Variants in PFKP observed in about 807,000 individuals in gnomAD.
PFKP encodes the protein phosphofructokinase, platelet, also known as ATP-dependent 6-phosphofructokinase, platelet type.
Under a neutral mutation model 94.3 loss-of-function variants are expected in PFKP, and 101 were observed. The ratio of observed to expected loss-of-function variants is 1.07; its 90% CI spans 0.91 to 1.26. PFKP has a LOEUF of 1.26. Among genes scored for constraint, PFKP ranks in the 50% most tolerant of loss-of-function variants. The pLI is 0.00. For synonymous variants in PFKP, 573 were observed against 432.6 expected (o/e 1.32, Z -4.03); for missense variants, 1,145 against 1,103.3 (o/e 1.04, Z -0.53).
chr10:3,136,683 CCTA>C lies in PFKP; in HGVS notation c.*105_*107del, dbSNP rs1839411822. 3 of 1,294,500 alleles carry C rather than the reference CCTA, an allele frequency of 2.3e-6. No homozygotes were observed. In the South Asian group the frequency reaches 4.2e-5, roughly 18 times the overall value. 80.2% of individuals were successfully genotyped at this position (1,294,500 alleles called of 1,614,324 possible). On this transcript the variant is annotated 3_prime_UTR_variant, in exon 22 of 22. Coordinates refer to ENST00000381125, the MANE Select transcript of PFKP (RefSeq NM_002627.5). ...TATGCACGTATTATTGACATTAATACCTAATCGGCGAGTGCCCATCTGCCCCAC... is the reference window on the plus strand; with the variant it reads ...TATGCACGTATTATTGACATTAATACATCGGCGAGTGCCCATCTGCCCCAC...
In PFKP at chr10:3,088,168, C is replaced by T. The variant is rs190767727; in HGVS notation, c.186+5707C>T. ...CCCTCCCCCCACCCCACAACAGGCC[C>T]CGGTGTGTGATGTTCCCCTTCCTGT... On this transcript the variant is annotated intron_variant, in intron 2 of 21. Coordinates refer to ENST00000381125, the MANE Select transcript of PFKP (RefSeq NM_002627.5). 9.9e-4 allele frequency among the ~76,000 whole-genome samples: 130 copies of T among 131,286 alleles called. 1 individual carries two copies. Among genetic ancestry groups the T allele is most frequent in the African/African-American group, 3.5e-3 (122 of 34,710 alleles). 86.1% of individuals were successfully genotyped at this position (131,286 alleles called of 152,430 possible). A position where few individuals can be genotyped will look rare whatever the true frequency, so the allele number is the denominator to read the frequency against.
At chr10:3,075,960 G>A (rs141682655) in intron 1 of PFKP, among the ~76,000 whole-genome samples, 5,905 of 129,532 alleles carry the variant, frequency 0.046, 452 homozygotes, top group East Asian at 0.28. Context: ...GCAGTGAGCC[G>A]AGATCGCGCC....
intron 1 of PFKP, among the ~76,000 whole-genome samples, chr10:3,078,162 G>A (rs914052043): frequency 1.2e-4 from 18 of 152,194 alleles, no homozygotes; most frequent in African/African-American, 3.9e-4. Flanking sequence ...CAGGGCCCAC[G>A]GACAGCCCTA....
chr10:3,127,846 A>C (rs138107082), intron 16 of PFKP, among the ~76,000 whole-genome samples: 27 of 152,340 alleles, frequency 1.8e-4, no homozygotes, highest in African/African-American at 6.5e-4. Flanking sequence ...TTTGGGAAGA[A>C]AAGAATCTGC....
rs1169255575 is a variant in PFKP at position 3,102,245 on chromosome 10, T to C, written c.454+691T>C. Among the ~76,000 whole-genome samples, 299 of 38,916 alleles carry C rather than the reference T, an allele frequency of 7.7e-3. 5 individuals are homozygous for C. The highest frequency in any genetic ancestry group is 0.02 in the African/African-American group (246 of 12,116). The allele number at this position is 38,916 out of a possible 152,430, so 25.5% of individuals were successfully genotyped here. A position where few individuals can be genotyped will look rare whatever the true frequency, so the allele number is the denominator to read the frequency against. On this transcript the variant is annotated intron_variant, in intron 4 of 21. Coordinates refer to ENST00000381125, the MANE Select transcript of PFKP (RefSeq NM_002627.5). ...CAGCCTGGGCGACAGAGCGAGACTCTGTCTCAAAAAAAAAAAAAAAAAAAA... is the reference window on the plus strand; with the variant it reads ...CAGCCTGGGCGACAGAGCGAGACTCCGTCTCAAAAAAAAAAAAAAAAAAAA...
chr10:3,113,607 C>A, intron 13 of PFKP, 89 bp downstream of exon 13: 1 of 1,057,062 alleles, frequency 9.5e-7, no homozygotes, highest in Non-Finnish European at 1.4e-6. Flanking sequence ...CCATGGCCCT[C>A]ATACCTTTTC....
Position 3,109,404 on chromosome 10 carries a change from CG to C in PFKP, c.1015del (p.Asp339ThrfsTer9). On this transcript the variant is annotated frameshift_variant, in exon 10 of 22. Coordinates refer to ENST00000381125, the MANE Select transcript of PFKP (RefSeq NM_002627.5). LOFTEE classifies it high-confidence loss of function. Reference protein sequence around the residue: ...EAVIALLEATPDTPACVVSLN... With the variant: ...EAVIALLEATXDTPACVVSLN... ...GTCATCGCCTTGCTAGAGGCCACCCCGGACACCCCAGCTTGCGTCGTGTCAC... is the reference window on the plus strand; with the variant it reads ...GTCATCGCCTTGCTAGAGGCCACCCCGACACCCCAGCTTGCGTCGTGTCAC... The C allele has an allele frequency of 6.2e-7, 1 of 1,610,568 alleles. No individual in the cohort carries two copies. Among genetic ancestry groups the C allele is most frequent in the Non-Finnish European group, 8.5e-7 (1 of 1,179,990 alleles).
chr10:3,132,462 G>A (rs771261717), intron 18 of PFKP, 21 bp downstream of exon 18: 1 of 1,562,472 alleles, frequency 6.4e-7, no homozygotes, highest in Non-Finnish European at 8.8e-7. Flanking sequence ...GAGACCAGGG[G>A]CTGATCTTAC....
chr10:3,105,414 C>T lies in PFKP; in HGVS notation c.687C>T (p.Ala229=), dbSNP rs779286518. 1.9e-6 allele frequency: 3 copies of T among 1,613,888 alleles called. No individual in the cohort carries two copies. The South Asian group carries it at 3.3e-5, about 18-fold the overall frequency. Residue 229 remains alanine (A), a synonymous_variant, in exon 7 of 22, where the codon GCC becomes GCT. Coordinates refer to ENST00000381125, the MANE Select transcript of PFKP (RefSeq NM_002627.5). The stretch of plus-strand genomic sequence containing the variant: ...ATAGGTACCTGGCCCTGGTGAGTGC[C>T]TTGGCCTGCGGTGCGGACTGGGTGT... ...RHCGYLALVS[A]LACGADWVFL...
chr10:3,136,314 G>T, intron 21 of PFKP, 136 bp from the exon 22 acceptor site: 1 of 746,878 alleles, frequency 1.3e-6, no homozygotes, highest in Non-Finnish European at 2.2e-6. Flanking sequence ...TCCTGAAATT[G>T]GCTTTATCAT....
Position 3,121,803 on chromosome 10 carries a change from C to CTTTT in PFKP, c.1683+1783_1683+1786dup, listed in dbSNP as rs759926178. Among the ~76,000 whole-genome samples, 219 of 32,596 alleles carry CTTTT rather than the reference C, an allele frequency of 6.7e-3. 8 individuals are homozygous for CTTTT. Among genetic ancestry groups the CTTTT allele is most frequent in the South Asian group, 8.3e-3 (6 of 722 alleles). The allele number at this position is 32,596 out of a possible 152,430, so 21.4% of individuals were successfully genotyped here. ...TAGGTTAAACAATTTCTTTTTTTTT[C>CTTTT]TTTTTTTTTTTTTTTTTTTTTTTTT... On this transcript the variant is annotated intron_variant, in intron 16 of 21. Transcript: ENST00000381125.
chr10:3,109,545 C>G (rs1835958794), intron 10 of PFKP, 65 bp downstream of exon 10: 8 of 1,565,282 alleles, frequency 5.1e-6, no homozygotes, highest in Non-Finnish European at 6.9e-6. Context: ...GCTTGTCAGG[C>G]CAGCCTGGGC....
At chr10:3,078,829 C>A (rs1449823910) in intron 1 of PFKP, among the ~76,000 whole-genome samples, 1 of 152,176 alleles carries the variant, frequency 6.6e-6, no homozygotes, top group African/African-American at 2.4e-5. Context: ...TGGGCCCCAC[C>A]GAGTGCTGCC....
In PFKP at chr10:3,129,926, G is replaced by A. The variant is rs61731932; in HGVS notation, c.1791G>A (p.Ala597=). 1.1e-3 allele frequency: 1,705 copies of A among 1,610,786 alleles called. 17 individuals are homozygous for A. In the African/African-American group the frequency reaches 0.02, roughly 19 times the overall value. Reference sequence around the variant, plus strand: ...ACCTGGCCAACATGGGGGGGCTCGCGGCCGGAGCTGATGCCGCATACATTT... The same window carrying A: ...ACCTGGCCAACATGGGGGGGCTCGCAGCCGGAGCTGATGCCGCATACATTT... The part of the protein sequence containing the change: ...CGYLANMGGL[A]AGADAAYIFE... Residue 597 remains alanine (A), a synonymous_variant, in exon 17 of 22, where the codon GCG becomes GCA. Transcript: ENST00000381125.
chr10:3,084,212 C>T (rs893671281), intron 2 of PFKP, among the ~76,000 whole-genome samples: 2 of 152,184 alleles, frequency 1.3e-5, no homozygotes, highest in African/African-American at 4.8e-5. Context: ...CTAAGTAATT[C>T]CTGAAACCTG....
At chr10:3,134,404 A>G (rs1838964774) in intron 19 of PFKP, 79 bp from the exon 20 acceptor site, 2 of 861,158 alleles carry the variant, frequency 2.3e-6, no homozygotes, top group South Asian at 1.5e-5. Context: ...GAATTCTGCA[A>G]AATAGAAATT....
intron 16 of PFKP, among the ~76,000 whole-genome samples, chr10:3,120,369 C>CTTTG (rs148428194): frequency 0.01 from 1,097 of 108,562 alleles, 13 homozygotes; most frequent in African/African-American, 0.02. Flanking sequence ...TTAAAAATCG[C>CTTTG]TGTGTGTGTG....
rs5782682 is a variant in PFKP, at chr10:3,098,672, CAAA to C, written c.187-587_187-585del. Among the ~76,000 whole-genome samples the C allele has an allele frequency of 3.9e-4, 42 of 107,174 alleles. 1 individual carries two copies. Among genetic ancestry groups the C allele is most frequent in the African/African-American group, 4.4e-4 (12 of 27,156 alleles). 70.3% of individuals were successfully genotyped at this position (107,174 alleles called of 152,430 possible). On this transcript the variant is annotated intron_variant, in intron 2 of 21. Transcript: ENST00000381125. ...TGGGTGACAGAGTGAGACTCCGTCT[CAAA>C]AAAAAAAAAAAAAAAGGTAATTGTC...
chr10:3,106,422 G>A (rs933294007), intron 7 of PFKP, among the ~76,000 whole-genome samples: 14 of 144,456 alleles, frequency 9.7e-5, no homozygotes, highest in African/African-American at 2.6e-5. Context: ...TGCACGGGGC[G>A]CCTGTGGGGC....
Sources: allele counts gnomAD v4.1 joint callset (sites outside exome capture counted in the v4.1 genomes callset), GRCh38; gene constraint gnomAD v4.1.1; transcripts MANE v1.5; gene names NCBI Gene and HGNC (gene_info 2026-07-23, HGNC 2026-07-21).